The following SGCZ variants were observed in gnomAD, a reference collection of about 807,000 sequenced individuals.
SGCZ encodes the protein sarcoglycan zeta.
Under a neutral mutation model 41.3 loss-of-function variants are expected in SGCZ, and 40 were observed. The observed-to-expected ratio is 0.97, with a 90% CI of 0.75 to 1.26. SGCZ has a LOEUF of 1.26. Ranked by LOEUF, SGCZ falls within the 50% of genes most tolerant of loss-of-function variation. The pLI, the probability that SGCZ is intolerant of heterozygous loss-of-function variation, is 0.00. For synonymous variants in SGCZ, 206 were observed against 137.5 expected (o/e 1.50, Z -3.49); for missense variants, 552 against 369.8 (o/e 1.49, Z -4.04).
At chr8:15,151,066 A>G (rs960992387) in intron 1 of SGCZ, among the ~76,000 whole-genome samples, 1 of 152,242 alleles carries the variant, frequency 6.6e-6, no homozygotes, top group African/African-American at 2.4e-5. Flanking sequence ...ATACACACAG[A>G]CACACATACA....
intron 2 of SGCZ, among the ~76,000 whole-genome samples, chr8:14,550,914 A>T (rs1363889272): frequency 6.6e-6 from 1 of 151,996 alleles, no homozygotes; most frequent in Admixed American, 6.6e-5. Flanking sequence ...AACGACAATG[A>T]TACTCAATTA....
intron 1 of SGCZ, among the ~76,000 whole-genome samples, chr8:14,574,065 C>A (rs1012138864): frequency 1.3e-5 from 2 of 152,132 alleles, no homozygotes; most frequent in African/African-American, 4.8e-5. Context: ...TGATAATCTC[C>A]ACATGAGTAA....
intron 3 of SGCZ, among the ~76,000 whole-genome samples, chr8:14,253,570 G>A (rs1401396941): frequency 4.0e-5 from 6 of 151,806 alleles, no homozygotes; most frequent in Non-Finnish European, 8.8e-5. Context: ...TATTATATCT[G>A]TATCCATATA....
intron 1 of SGCZ, among the ~76,000 whole-genome samples, chr8:15,073,561 A>G (rs1212871737): frequency 1.3e-5 from 2 of 152,234 alleles, no homozygotes; most frequent in Admixed American, 1.3e-4. Flanking sequence ...GATGTGATTA[A>G]CATTTTAATC....
At chr8:14,308,624 T>A (rs1286637082) in intron 3 of SGCZ, among the ~76,000 whole-genome samples, 1 of 151,998 alleles carries the variant, frequency 6.6e-6, no homozygotes, top group Non-Finnish European at 1.5e-5. Flanking sequence ...TAAAAAAAAT[T>A]TATAAAACAT....
intron 1 of SGCZ, among the ~76,000 whole-genome samples, chr8:14,581,099 AT>A (rs1203675663): frequency 2.6e-5 from 4 of 151,788 alleles, no homozygotes; most frequent in African/African-American, 4.8e-5. Flanking sequence ...TTGGTTACTA[AT>A]TTTTTTTATT....
At chr8:14,448,472 G>T (rs1489694702) in intron 2 of SGCZ, among the ~76,000 whole-genome samples, 1 of 152,164 alleles carries the variant, frequency 6.6e-6, no homozygotes, top group African/African-American at 2.4e-5. Flanking sequence ...TTGCAGAATT[G>T]AGAGCAGAAA....
chr8:14,124,396 G>T (rs1802790402), intron 5 of SGCZ, among the ~76,000 whole-genome samples: 1 of 151,868 alleles, frequency 6.6e-6, no homozygotes, highest in Non-Finnish European at 1.5e-5. Context: ...ACCCACACAA[G>T]ACCCCAAAGA....
chr8:15,020,895 T>C (rs1335171285), intron 1 of SGCZ, among the ~76,000 whole-genome samples: 1 of 152,214 alleles, frequency 6.6e-6, no homozygotes. Context: ...AGGTAAAATT[T>C]AGAAATTCAG....
chr8:14,827,236 CTTTTTTTTTTTTT>C (rs36071307), intron 1 of SGCZ, among the ~76,000 whole-genome samples: 7 of 122,322 alleles, frequency 5.7e-5, no homozygotes, highest in African/African-American at 2.2e-4. Context: ...CTTTTCTTTT[CTTTTTTTTTTTTT>C]TTTTTGAGAC....
chr8:14,590,257 G>C (rs934233041), intron 1 of SGCZ, among the ~76,000 whole-genome samples: 1 of 151,982 alleles, frequency 6.6e-6, no homozygotes, highest in Non-Finnish European at 1.5e-5. Flanking sequence ...AAATAATATG[G>C]TGTGGTAAGT....
intron 2 of SGCZ, among the ~76,000 whole-genome samples, chr8:14,350,033 T>C (rs1192958431): frequency 6.6e-6 from 1 of 152,152 alleles, no homozygotes; most frequent in African/African-American, 2.4e-5. Context: ...ATAAATGCTA[T>C]TAATCAGAAA....
At chr8:14,358,487 T>G (rs1803375552) in intron 2 of SGCZ, among the ~76,000 whole-genome samples, 1 of 152,172 alleles carries the variant, frequency 6.6e-6, no homozygotes, top group Non-Finnish European at 1.5e-5. Flanking sequence ...AGTTACTATA[T>G]AAAATATGTT....
chr8:15,125,071 T>C (rs1807630913), intron 1 of SGCZ, among the ~76,000 whole-genome samples: 1 of 152,198 alleles, frequency 6.6e-6, no homozygotes, highest in South Asian at 2.1e-4. Flanking sequence ...CACAGATTTA[T>C]ATTCATTTTA....
intron 4 of SGCZ, among the ~76,000 whole-genome samples, chr8:14,190,010 C>CTTTTTTTTTTTTTTTTTTT (rs1397799185): frequency 1.5e-5 from 1 of 68,498 alleles, no homozygotes; most frequent in Non-Finnish European, 2.6e-5. Flanking sequence ...TTCTTTCTTT[C>CTTTTTTTTTTTTTTTTTTT]TTTCTTTTTT....
chr8:14,739,347 T>C (rs1468371642), intron 1 of SGCZ, among the ~76,000 whole-genome samples: 1 of 152,110 alleles, frequency 6.6e-6, no homozygotes, highest in Non-Finnish European at 1.5e-5. Flanking sequence ...CATTTATTCA[T>C]ATTCAATAAG....
chr8:14,955,250 T>G (rs1394007691), intron 1 of SGCZ, among the ~76,000 whole-genome samples: 2 of 152,220 alleles, frequency 1.3e-5, no homozygotes, highest in African/African-American at 4.8e-5. Context: ...ATGTTATGTT[T>G]GTGAAACCCA....
chr8:14,902,897 C>A (rs923820680), intron 1 of SGCZ, among the ~76,000 whole-genome samples: 1 of 152,004 alleles, frequency 6.6e-6, no homozygotes, highest in African/African-American at 2.4e-5. Flanking sequence ...AATGAATATA[C>A]GTCTCCCTGA....
chr8:14,372,246 G>C (rs143259731), intron 2 of SGCZ, among the ~76,000 whole-genome samples: 3,012 of 152,252 alleles, frequency 0.02, 79 homozygotes, highest in African/African-American at 0.056. Context: ...TTGCGAAACA[G>C]AAGTCTCTTA....
Sources: gnomAD v4.1 joint callset for allele counts (sites outside exome capture counted in the v4.1 genomes callset) on GRCh38, gnomAD v4.1.1 for gene constraint, MANE v1.5 for transcripts, NCBI Gene and HGNC (gene_info 2026-07-23, HGNC 2026-07-21) for gene names.